PCDHGA8: variants seen among roughly 807,000 people sequenced by gnomAD.
The protein encoded by PCDHGA8 is protocadherin gamma subfamily A, 8.
A neutral mutation model predicts 59.2 loss-of-function variants in PCDHGA8; 45 were observed. The observed-to-expected ratio is 0.76, with a 90% CI of 0.60 to 0.98. The LOEUF is 0.98. Among genes scored for constraint, PCDHGA8 ranks in the 50% least tolerant of loss-of-function variants. The probability of loss-of-function intolerance (pLI) is 0.00; values close to 1 mark genes in which losing one functional copy is unlikely to be tolerated. For missense variants in PCDHGA8, 1,257 were observed against 1,196.2 expected (o/e 1.05, Z -0.75); for synonymous variants, 531 against 519.0 (o/e 1.02, Z -0.32).
intron 1 of PCDHGA8, chr5:141,418,387 G>C (rs1172239604): frequency 1.9e-6 from 3 of 1,613,884 alleles, no homozygotes; most frequent in Non-Finnish European, 2.5e-6. Flanking sequence ...GTCCTAACGA[G>C]TATTTCTCAT....
At chr5:141,403,444 G>A (rs2094408321) in intron 1 of PCDHGA8, 1 of 1,613,906 alleles carries the variant, frequency 6.2e-7, no homozygotes, top group African/African-American at 1.3e-5. Flanking sequence ...ATGTTGGCGT[G>A]AACTCCCTCC....
intron 1 of PCDHGA8, chr5:141,423,194 C>T (rs1467994226): frequency 3.7e-6 from 6 of 1,613,588 alleles, no homozygotes; most frequent in South Asian, 1.1e-5. Context: ...CCCCCTCTCT[C>T]GGCCACCGTC....
intron 1 of PCDHGA8, among the ~76,000 whole-genome samples, chr5:141,453,288 A>AT (rs2098760999): frequency 2.0e-5 from 3 of 151,342 alleles, no homozygotes; most frequent in African/African-American, 7.3e-5. Flanking sequence ...TAATTTTTTA[A>AT]TTATTTATTT....
intron 1 of PCDHGA8, among the ~76,000 whole-genome samples, chr5:141,492,862 G>A (rs2099744602): frequency 6.6e-6 from 1 of 152,198 alleles, no homozygotes. Context: ...GAGCGCCCTG[G>A]CTCTCAACCC....
intron 1 of PCDHGA8, chr5:141,410,107 G>A: frequency 3.1e-6 from 5 of 1,612,702 alleles, no homozygotes; most frequent in Non-Finnish European, 4.2e-6. Flanking sequence ...TAGGCGACAG[G>A]GACGCAGCCC....
In PCDHGA8 at chr5:141,423,465, G is replaced by A. The variant is rs762995150; in HGVS notation, c.2424+28228G>A. On this transcript the variant is annotated intron_variant, in intron 1 of 3. Coordinates refer to ENST00000398604, the MANE Select transcript of PCDHGA8 (RefSeq NM_032088.2). ...CGTCACATTTTGTAGGCGTGGACGG[G>A]GTACAGGCTTTCCTGCAAACCTATT... The A allele has an allele frequency of 2.6e-5, 42 of 1,614,006 alleles. 1 individual carries two copies. The Middle Eastern group carries it at 1.5e-3, about 57-fold the overall frequency.
In PCDHGA8 at chr5:141,394,419, G is replaced by C; in HGVS notation, c.1606G>C (p.Asp536His). The change falls in exon 1 of 4, where the codon GAC becomes CAC. Residue 536 changes from aspartate to histidine, a missense_variant. By Grantham distance (81) the Asp-to-His change is moderately conservative (BLOSUM62 -1). Transcript: ENST00000398604. ...RDLQLLVTAS[D>H]SGDPPLSSNM... The stretch of plus-strand genomic sequence containing the variant: ...CCTGCAGCTACTGGTAACAGCCAGC[G>C]ACAGCGGGGACCCGCCCCTCAGCAG... 1 of 1,614,224 alleles carries C rather than the reference G, an allele frequency of 6.2e-7. No individual in the cohort carries two copies. Among genetic ancestry groups the C allele is most frequent in the East Asian group, 2.2e-5 (1 of 44,878 alleles).
chr5:141,494,468 C>G (rs2099754577), intron 1 of PCDHGA8, among the ~76,000 whole-genome samples: 1 of 152,136 alleles, frequency 6.6e-6, no homozygotes, highest in East Asian at 1.9e-4. Context: ...TGCACCTCTT[C>G]CCCCAGTTCC....
At chr5:141,421,080 C>CA (rs2096545590) in intron 1 of PCDHGA8, 1 of 638,250 alleles carries the variant, frequency 1.6e-6, no homozygotes, top group East Asian at 2.9e-5. Context: ...GATGGATACT[C>CA]ACAGATCCTG....
chr5:141,400,120 C>G, intron 1 of PCDHGA8: 1 of 1,614,076 alleles, frequency 6.2e-7, no homozygotes, highest in Non-Finnish European at 8.5e-7. Context: ...TGACAGCTTG[C>G]AGGAGGTGCT....
Position 141,486,674 on chromosome 5 carries a change from G to A in PCDHGA8, c.2425-8133G>A. On this transcript the variant is annotated intron_variant, in intron 1 of 3. Transcript: ENST00000398604. This position sits in a 1 kb window ranked among gnomAD's most constrained non-coding sequence, Gnocchi z 5.0. ...CTCACTCCTGGAGCCCAGGAATCGA[G>A]ATGTATCAGCTTCCTCTTTCATCTC... The A allele has an allele frequency of 1.9e-6, 3 of 1,614,080 alleles. No individual in the cohort carries two copies. Among genetic ancestry groups the A allele is most frequent in the Non-Finnish European group, 2.5e-6 (3 of 1,180,036 alleles).
intron 1 of PCDHGA8, among the ~76,000 whole-genome samples, chr5:141,449,714 A>G (rs1188830159): frequency 2.6e-5 from 4 of 151,334 alleles, no homozygotes; most frequent in African/African-American, 7.3e-5. Flanking sequence ...CATTATTTTT[A>G]TATGATATGA....
chr5:141,394,833 G>A lies in PCDHGA8; in HGVS notation c.2020G>A (p.Glu674Lys), dbSNP rs867584109. The change falls in exon 1 of 4, where the codon GAG (glutamate) becomes AAG (lysine). Residue 674 changes from glutamate to lysine, a missense_variant. Physicochemically the swap from Glu to Lys is moderately conservative, Grantham distance 56. Coordinates refer to ENST00000398604, the MANE Select transcript of PCDHGA8 (RefSeq NM_032088.2). ...VADSIPEVLT[E>K]LGSLKPSVDP... ...TGACAGCATCCCCGAAGTCCTGACCGAGTTGGGCAGTCTGAAGCCTTCGGT... is the reference window on the plus strand; with the variant it reads ...TGACAGCATCCCCGAAGTCCTGACCAAGTTGGGCAGTCTGAAGCCTTCGGT... The A allele has an allele frequency of 6.2e-7, 1 of 1,613,848 alleles. No homozygotes were observed. The highest frequency in any genetic ancestry group is 1.1e-5 in the South Asian group (1 of 91,088).
At chr5:141,498,588 A>G (rs1326073516) in intron 2 of PCDHGA8, among the ~76,000 whole-genome samples, 1 of 152,082 alleles carries the variant, frequency 6.6e-6, no homozygotes, top group Non-Finnish European at 1.5e-5. Context: ...GTTCTTCAGT[A>G]AACTTGGTTC....
intron 1 of PCDHGA8, among the ~76,000 whole-genome samples, chr5:141,450,783 G>A (rs2879228): frequency 0.25 from 37,099 of 150,510 alleles, 4,810 homozygotes; most frequent in Admixed American, 0.32. Flanking sequence ...CACCGTGCCC[G>A]GACCTCATGA....
intron 1 of PCDHGA8, chr5:141,478,808 T>A: frequency 3.4e-6 from 5 of 1,459,124 alleles, no homozygotes; most frequent in Non-Finnish European, 4.5e-6. Context: ...TCTTTTGCTA[T>A]CACAACTAAC....
chr5:141,407,808 C>T (rs1182707356), intron 1 of PCDHGA8, among the ~76,000 whole-genome samples: 1 of 152,136 alleles, frequency 6.6e-6, no homozygotes, highest in Non-Finnish European at 1.5e-5. Context: ...ATAGAAATAT[C>T]TACTATAATA....
rs561122870 is a variant in PCDHGA8 at position 141,439,444 on chromosome 5, C to T, written c.2424+44207C>T. On this transcript the variant is annotated intron_variant, in intron 1 of 3. Transcript: ENST00000398604. ...ATAAATTCCCAGGAATATTTTATTG[C>T]GGGAGCAAGACTGCACTGCTGCCTT... Among the ~76,000 whole-genome samples the T allele has an allele frequency of 3.0e-4, 46 of 152,264 alleles. 1 individual carries two copies. The South Asian group carries it at 6.2e-3, about 21-fold the overall frequency.
intron 1 of PCDHGA8, among the ~76,000 whole-genome samples, chr5:141,472,711 C>T (rs1014451209): frequency 4.6e-5 from 7 of 151,904 alleles, no homozygotes; most frequent in Admixed American, 2.0e-4. Context: ...ACAGGCCAGG[C>T]GCTGTGGCTC....
Sources: allele counts gnomAD v4.1 joint callset (sites outside exome capture counted in the v4.1 genomes callset), GRCh38; gene constraint gnomAD v4.1.1; non-coding constraint Gnocchi (gnomAD v3.1); transcripts MANE v1.5; gene names NCBI Gene and HGNC (gene_info 2026-07-23, HGNC 2026-07-21).